The following PTPRE variants were observed in gnomAD, a reference collection of about 807,000 sequenced individuals.
PTPRE encodes the protein receptor-type tyrosine-protein phosphatase epsilon.
A neutral mutation model predicts 102.0 loss-of-function variants in PTPRE; 51 were observed. The ratio of observed to expected loss-of-function variants is 0.50; its 90% confidence interval spans 0.40 to 0.63. PTPRE has a LOEUF of 0.63. Among genes scored for constraint, PTPRE ranks in the 30% least tolerant of loss-of-function variants. The pLI is 0.00. For missense variants in PTPRE, 752 were observed against 915.1 expected (o/e 0.82, Z 2.30); for synonymous variants, 345 against 348.2 (o/e 0.99, Z 0.10).
chr10:128,079,144 A>T (rs1175226021), intron 19 of PTPRE, among the ~76,000 whole-genome samples: 1 of 152,066 alleles, frequency 6.6e-6, no homozygotes, highest in East Asian at 1.9e-4. Flanking sequence ...CAGTAAGGAG[A>T]GGGTATGCCA....
chr10:127,938,214 T>C (rs1037207796), intron 1 of PTPRE, among the ~76,000 whole-genome samples: 2 of 152,102 alleles, frequency 1.3e-5, no homozygotes, highest in African/African-American at 4.8e-5. Flanking sequence ...GAGATAATCG[T>C]TGTAAAGGAG....
chr10:128,019,025 G>A (rs2135674126), intron 2 of PTPRE, among the ~76,000 whole-genome samples: 1 of 152,346 alleles, frequency 6.6e-6, no homozygotes, highest in South Asian at 2.1e-4. Flanking sequence ...AGCCGAGGGT[G>A]CATCCACATT....
intron 20 of PTPRE, among the ~76,000 whole-genome samples, chr10:128,082,195 CTTTTTT>C (rs35709074): frequency 0.031 from 2,749 of 89,030 alleles, 225 homozygotes; most frequent in Non-Finnish European, 0.045. Context: ...TTTTCTCTTT[CTTTTTT>C]TTTTTTTTTT....
chr10:128,060,362 T>C (rs1169526798), intron 7 of PTPRE, among the ~76,000 whole-genome samples: 2 of 152,312 alleles, frequency 1.3e-5, no homozygotes, highest in Middle Eastern at 3.4e-3. Flanking sequence ...AGGCTGGATC[T>C]ACCAGACGCT....
intron 2 of PTPRE, among the ~76,000 whole-genome samples, chr10:127,986,447 T>C (rs1345202397): frequency 2.6e-5 from 4 of 152,234 alleles, no homozygotes; most frequent in Non-Finnish European, 5.9e-5. Flanking sequence ...CACTAGTAAG[T>C]AAAATTAAAT....
chr10:128,068,072 A>C (rs1478495059), intron 11 of PTPRE, 51 bp from the exon 12 acceptor site: 1 of 1,563,922 alleles, frequency 6.4e-7, no homozygotes, highest in Non-Finnish European at 8.7e-7. Flanking sequence ...ATGCTGGGGG[A>C]GCAGGGGGAG....
At position 127,922,930 on chromosome 10, in the gene PTPRE, C is replaced by T. The variant is rs550065399; in HGVS notation, c.-31+15621C>T. Among the ~76,000 whole-genome samples, 6 of 152,154 alleles carry T rather than the reference C, an allele frequency of 3.9e-5. No individual in the cohort carries two copies. The East Asian group carries it at 5.8e-4, about 15-fold the overall frequency. ...CCAGAACCCCAGACCCAGCCAAGCT[C>T]GGCCTCCCTCAGGCCTTCAGCTAGT... On this transcript the variant is annotated intron_variant, in intron 1 of 20. Coordinates refer to ENST00000254667, the MANE Select transcript of PTPRE (RefSeq NM_006504.6).
At chr10:127,971,090 A>G (rs913072289) in intron 1 of PTPRE, among the ~76,000 whole-genome samples, 5 of 152,326 alleles carry the variant, frequency 3.3e-5, no homozygotes, top group African/African-American at 1.2e-4. Context: ...TGTCCCATGC[A>G]GAGACCCTGC....
At chr10:127,949,834 G>A (rs1267406845) in intron 1 of PTPRE, among the ~76,000 whole-genome samples, 1 of 152,116 alleles carries the variant, frequency 6.6e-6, no homozygotes, top group Non-Finnish European at 1.5e-5. Flanking sequence ...ATTTGGGATG[G>A]GGAAACGTGG....
intron 1 of PTPRE, among the ~76,000 whole-genome samples, chr10:127,963,672 G>A (rs1850007441): frequency 1.5e-5 from 2 of 130,944 alleles, no homozygotes; most frequent in Admixed American, 1.4e-4. Context: ...CTGGGGTGGA[G>A]TGTGTGTGTG....
chr10:127,934,744 G>C (rs1172232011), intron 1 of PTPRE: 1 of 152,318 alleles, frequency 6.6e-6, no homozygotes, highest in Admixed American at 6.5e-5. Context: ...GTGCCTGGGG[G>C]CTCTGGGCAC....
At chr10:128,058,480 G>T (rs1849208072) in intron 7 of PTPRE, among the ~76,000 whole-genome samples, 1 of 152,222 alleles carries the variant, frequency 6.6e-6, no homozygotes, top group African/African-American at 2.4e-5. Flanking sequence ...CCACGCAGCT[G>T]CCCGGGACTG....
intron 1 of PTPRE, among the ~76,000 whole-genome samples, chr10:127,950,595 T>C (rs1173510687): frequency 6.6e-6 from 1 of 152,184 alleles, no homozygotes; most frequent in Non-Finnish European, 1.5e-5. Flanking sequence ...AGGCTGGACT[T>C]TACAGTGGGA....
rs1316719446 is a variant in PTPRE, at chr10:128,073,487, C to G, written c.1599+16C>G. 1 of 1,604,562 alleles carries G rather than the reference C, an allele frequency of 6.2e-7. No individual in the cohort carries two copies. The highest frequency in any genetic ancestry group is 1.1e-5 in the South Asian group (1 of 90,452). The stretch of plus-strand genomic sequence containing the variant: ...GAGAGAGCAGGTGAGGAGTGCCGCC[C>G]AGCCCGGTCCCTCCAGGGCAGCCTG... On this transcript the variant is annotated intron_variant, in intron 17 of 20. Coordinates refer to ENST00000254667, the MANE Select transcript of PTPRE (RefSeq NM_006504.6).
chr10:127,929,068 C>T (rs550821959), intron 1 of PTPRE, among the ~76,000 whole-genome samples: 95 of 152,316 alleles, frequency 6.2e-4, no homozygotes, highest in Non-Finnish European at 1.1e-3. Context: ...AAATTACACA[C>T]GTGCTACTTA....
At chr10:127,958,821 C>T (rs1170148227) in intron 1 of PTPRE, among the ~76,000 whole-genome samples, 1 of 151,478 alleles carries the variant, frequency 6.6e-6, no homozygotes, top group Non-Finnish European at 1.5e-5. Context: ...TGTGCCTGGT[C>T]CTTTCTGTTT....
intron 4 of PTPRE, 113 bp from the exon 5 acceptor site, chr10:128,047,651 G>A (rs1345460900): frequency 6.2e-7 from 1 of 1,614,192 alleles, no homozygotes; most frequent in Non-Finnish European, 8.5e-7. Flanking sequence ...GCTCAGCCAT[G>A]AGCAACAGGA....
chr10:127,961,132 T>A (rs1849778533), intron 1 of PTPRE, among the ~76,000 whole-genome samples: 1 of 152,182 alleles, frequency 6.6e-6, no homozygotes, highest in African/African-American at 2.4e-5. Flanking sequence ...GCCGGGGCTT[T>A]GCGAGGGGTC....
intron 1 of PTPRE, among the ~76,000 whole-genome samples, chr10:127,946,596 T>C (rs552143159): frequency 8.9e-6 from 1 of 112,486 alleles, no homozygotes; most frequent in Non-Finnish European, 2.0e-5. Context: ...AAGATGCGCT[T>C]GCACATTGCA....
Sources: allele counts gnomAD v4.1 joint callset (sites outside exome capture counted in the v4.1 genomes callset), GRCh38; gene constraint gnomAD v4.1.1; transcripts MANE v1.5; gene names NCBI Gene and HGNC (gene_info 2026-07-23, HGNC 2026-07-21).